SEMA6D: variants seen among roughly 807,000 people sequenced by gnomAD.
The protein encoded by SEMA6D is semaphorin 6D.
In SEMA6D, 35 loss-of-function variants were observed where a neutral mutation model predicts 106.6. The ratio of observed to expected loss-of-function variants is 0.33; its 90% CI spans 0.25 to 0.44. SEMA6D has a LOEUF of 0.44. SEMA6D is among the 20% of genes least tolerant of loss of function. SEMA6D has a pLI of 1.00. For synonymous variants in SEMA6D, 499 were observed against 487.7 expected (o/e 1.02, Z -0.31); for missense variants, 1,185 against 1,345.9 (o/e 0.88, Z 1.87).
At chr15:47,606,034 A>G (rs2076774633) in intron 4 of SEMA6D, among the ~76,000 whole-genome samples, 1 of 152,318 alleles carries the variant, frequency 6.6e-6, no homozygotes, top group South Asian at 2.1e-4. Flanking sequence ...ACCTGCCTCC[A>G]TCCTGAAGCT....
chr15:47,601,447 C>T (rs924906791), intron 4 of SEMA6D, among the ~76,000 whole-genome samples: 2 of 152,094 alleles, frequency 1.3e-5, no homozygotes, highest in Non-Finnish European at 2.9e-5. Context: ...AATAGGGATC[C>T]TTTTTTATTT....
At chr15:47,357,374 C>A (rs2038625969) in intron 1 of SEMA6D, among the ~76,000 whole-genome samples, 1 of 151,958 alleles carries the variant, frequency 6.6e-6, no homozygotes, top group Non-Finnish European at 1.5e-5. Context: ...TGGGACTGTG[C>A]ATTATATATT....
intron 2 of SEMA6D, among the ~76,000 whole-genome samples, chr15:47,426,585 C>T (rs2041346932): frequency 6.6e-6 from 1 of 152,048 alleles, no homozygotes; most frequent in Admixed American, 6.6e-5. Context: ...TTTAAAAGCA[C>T]AGGAATACAG....
intron 4 of SEMA6D, among the ~76,000 whole-genome samples, chr15:47,700,446 G>A (rs896382925): frequency 2.2e-4 from 34 of 152,242 alleles, no homozygotes; most frequent in African/African-American, 7.7e-4. Context: ...TGAGGTGGGA[G>A]GACTGCTTGA....
intron 3 of SEMA6D, among the ~76,000 whole-genome samples, chr15:47,576,138 G>A (rs1041677133): frequency 3.9e-5 from 6 of 152,148 alleles, no homozygotes; most frequent in Admixed American, 6.5e-5. Context: ...TGTATTGCCT[G>A]CACTTAATTT....
intron 1 of SEMA6D, among the ~76,000 whole-genome samples, chr15:47,246,782 T>C (rs2033232127): frequency 6.6e-6 from 1 of 152,216 alleles, no homozygotes; most frequent in Non-Finnish European, 1.5e-5. Flanking sequence ...GCAAAGTTGC[T>C]TTTGCCATTC....
chr15:47,404,846 C>T (rs767549062), intron 1 of SEMA6D, among the ~76,000 whole-genome samples: 1 of 152,098 alleles, frequency 6.6e-6, no homozygotes, highest in Non-Finnish European at 1.5e-5. Flanking sequence ...TAAAAAGGTA[C>T]ATTTGCAAGC....
chr15:47,446,991 G>A (rs1278024866), intron 2 of SEMA6D, among the ~76,000 whole-genome samples: 2 of 152,050 alleles, frequency 1.3e-5, no homozygotes, highest in Non-Finnish European at 2.9e-5. Context: ...GACACATAGG[G>A]GCTTCCTAGG....
upstream of SEMA6D, among the ~76,000 whole-genome samples, chr15:47,716,044 G>A (rs1275959222): frequency 1.3e-5 from 2 of 152,162 alleles, no homozygotes; most frequent in Non-Finnish European, 2.9e-5. Context: ...AACTTGCAAT[G>A]ATGTCAGAGC....
chr15:47,737,916 T>A (rs866772040), intron 1 of SEMA6D, among the ~76,000 whole-genome samples: 1 of 152,182 alleles, frequency 6.6e-6, no homozygotes, highest in South Asian at 2.1e-4. Context: ...TATATTGATT[T>A]CATCCCAACT....
chr15:47,755,498 C>T (rs1191240670), intron 1 of SEMA6D, among the ~76,000 whole-genome samples: 3 of 152,136 alleles, frequency 2.0e-5, no homozygotes, highest in African/African-American at 7.2e-5. Flanking sequence ...ATTGTAGTCT[C>T]TGGATGATGT....
intron 1 of SEMA6D, among the ~76,000 whole-genome samples, chr15:47,384,216 A>G (rs1278769883): frequency 6.6e-6 from 1 of 152,248 alleles, no homozygotes; most frequent in African/African-American, 2.4e-5. Context: ...CAAACATTGT[A>G]TGCATGTTTA....
intron 1 of SEMA6D, among the ~76,000 whole-genome samples, chr15:47,195,911 C>A (rs17283647): frequency 6.9e-6 from 1 of 144,148 alleles, no homozygotes; most frequent in African/African-American, 2.6e-5. Flanking sequence ...CGTGGGTGAG[C>A]GTGTGGATGA....
At chr15:47,427,949 A>G (rs1029531566) in intron 2 of SEMA6D, among the ~76,000 whole-genome samples, 3 of 152,256 alleles carry the variant, frequency 2.0e-5, no homozygotes, top group African/African-American at 7.2e-5. Context: ...TAGGGAAAAG[A>G]TAAATAGAAT....
chr15:47,550,584 G>T (rs2045655285), intron 3 of SEMA6D, among the ~76,000 whole-genome samples: 1 of 152,056 alleles, frequency 6.6e-6, no homozygotes, highest in African/African-American at 2.4e-5. Flanking sequence ...CATCTCCATG[G>T]CTGATCCCGC....
intron 4 of SEMA6D, among the ~76,000 whole-genome samples, chr15:47,636,212 A>C (rs1260744736): frequency 6.6e-6 from 1 of 152,216 alleles, no homozygotes; most frequent in Non-Finnish European, 1.5e-5. Context: ...TAATTGAACT[A>C]CGAAAATACA....
chr15:47,237,699 G>T (rs1249604829), intron 1 of SEMA6D, among the ~76,000 whole-genome samples: 1 of 151,960 alleles, frequency 6.6e-6, no homozygotes, highest in Non-Finnish European at 1.5e-5. Flanking sequence ...GAGTAGGTCT[G>T]TATAGGTAGG....
chr15:47,632,106 GT>G (rs1302681014), intron 4 of SEMA6D, among the ~76,000 whole-genome samples: 1 of 151,434 alleles, frequency 6.6e-6, no homozygotes, highest in East Asian at 1.9e-4. Flanking sequence ...TTGTCTTTCT[GT>G]TTTTTGTTTT....
At chr15:47,341,042 G>T (rs2037792063) in intron 1 of SEMA6D, among the ~76,000 whole-genome samples, 1 of 152,162 alleles carries the variant, frequency 6.6e-6, no homozygotes, top group African/African-American at 2.4e-5. Context: ...TAGATTTAGA[G>T]ACCTCTCATG....
Sources: allele counts gnomAD v4.1 joint callset (sites outside exome capture counted in the v4.1 genomes callset), GRCh38; gene constraint gnomAD v4.1.1; transcripts MANE v1.5; gene names NCBI Gene and HGNC (gene_info 2026-07-23, HGNC 2026-07-21).